TMEM196: variants seen among roughly 807,000 people sequenced by gnomAD.
TMEM196 encodes the protein transmembrane protein 196.
In TMEM196, 17 loss-of-function variants were observed where a neutral mutation model predicts 20.0. The observed-to-expected ratio is 0.85, with a 90% CI of 0.58 to 1.27. The LOEUF is 1.27. Among genes scored for constraint, TMEM196 ranks in the 50% most tolerant of loss-of-function variants. TMEM196 has a pLI of 0.00. For synonymous variants in TMEM196, 113 were observed against 88.9 expected, an observed-to-expected ratio of 1.27 and a Z score of -1.52; for missense variants, 267 against 223.0, an observed-to-expected ratio of 1.20 and a Z score of -1.26.
Position 19,724,307 on chromosome 7 carries a change from A to C in TMEM196, c.506T>G (p.Val169Gly), listed in dbSNP as rs1435083038. ...EITDLPSCPV[V>G]PPTPELPTRK is the part of the protein sequence containing the mutation. ...TGTAGGTAACTCTGGTGTCGGGGGC[A>C]CCACCGGGCAGCTGGGCAAGTCGGT... The change falls in exon 4 of 5, where the codon GTG becomes GGG. Residue 169 changes from valine to glycine, a missense_variant. By Grantham distance (109) the Val-to-Gly change is moderately radical (BLOSUM62 -3). Coordinates refer to ENST00000405844, the MANE Select transcript of TMEM196 (RefSeq NM_001363562.2). The C allele has an allele frequency of 1.3e-6, 2 of 1,550,300 alleles. No homozygotes were observed. The highest frequency in any genetic ancestry group is 2.0e-5 in the Admixed American group (1 of 50,972).
intron 3 of TMEM196, 39 bp from the exon 4 acceptor site, chr7:19,724,392 A>C: frequency 6.6e-7 from 1 of 1,526,554 alleles, no homozygotes; most frequent in Non-Finnish European, 8.9e-7. Context: ...AATATTGCAC[A>C]AATATATACA....
rs1784295428 is a variant in TMEM196 at position 19,733,763 on chromosome 7, G to A, written c.148-4325C>T. The stretch of plus-strand genomic sequence containing the variant: ...ACATTGACCATTGGAGAAGAGGCAG[G>A]AGCCTCTCGCCCAAGATCAACCCCA... On this transcript the variant is annotated intron_variant, in intron 1 of 4. Transcript: ENST00000405844. Among the ~76,000 whole-genome samples the A allele has an allele frequency of 4.6e-5, 7 of 152,064 alleles. No individual in the cohort carries two copies. In the South Asian group the frequency reaches 1.5e-3, roughly 32 times the overall value.
Position 19,725,746 on chromosome 7 carries a change from C to T in TMEM196, c.227G>A (p.Cys76Tyr). ...GATGCCCCCAATAAGTCCACAGATA[C>T]AGCAGGCTGAAAAGAGGATCATCTG... is the stretch of plus-strand genomic sequence containing the variant. ...GLVMILFSAC[C>Y]ICGLIGGILN... The change falls in exon 3 of 5, where the codon TGT becomes TAT. Residue 76 changes from cysteine to tyrosine, a missense_variant. Physicochemically the swap from Cys to Tyr is radical, Grantham distance 194. Transcript: ENST00000405844. 6.2e-7 allele frequency: 1 copy of T among 1,605,708 alleles called. No homozygotes were observed. The highest frequency in any genetic ancestry group is 1.3e-5 in the African/African-American group (1 of 74,810).
At chr7:19,733,836 T>C (rs1324396367) in intron 1 of TMEM196, among the ~76,000 whole-genome samples, 1 of 152,178 alleles carries the variant, frequency 6.6e-6, no homozygotes, top group Non-Finnish European at 1.5e-5. Context: ...TACAGAATAC[T>C]GAGAAAGCCC....
intron 1 of TMEM196, among the ~76,000 whole-genome samples, chr7:19,732,160 T>A (rs774213127): frequency 1.3e-5 from 2 of 152,206 alleles, no homozygotes; most frequent in Non-Finnish European, 2.9e-5. Flanking sequence ...TCCCTCGAAG[T>A]TTACACGTGG....
chr7:19,731,800 T>C (rs1490443028), intron 1 of TMEM196, among the ~76,000 whole-genome samples: 3 of 152,152 alleles, frequency 2.0e-5, no homozygotes, highest in Non-Finnish European at 4.4e-5. Flanking sequence ...AATTCAAGGA[T>C]TGGGAGAGGG....
rs1219891958 is a variant in TMEM196 at position 19,724,203 on chromosome 7, AC to A, written c.533+76del. On this transcript the variant is annotated intron_variant, in intron 4 of 4. Coordinates refer to ENST00000405844, the MANE Select transcript of TMEM196 (RefSeq NM_001363562.2). ...AACATCAGTTCAGACTGATCTGTTG[AC>A]ATCATGGCTTTCTGGAAGGGGAAGT... 4.7e-6 allele frequency: 6 copies of A among 1,272,030 alleles called. No homozygotes were observed. The African/African-American group carries it at 7.4e-5, about 16-fold the overall frequency. 78.8% of individuals were successfully genotyped at this position (1,272,030 alleles called of 1,614,324 possible). A position where few individuals can be genotyped will look rare whatever the true frequency, so the allele number is the denominator to read the frequency against.
At chr7:19,764,638 A>C (rs191763083) in intron 1 of TMEM196, among the ~76,000 whole-genome samples, 47 of 152,220 alleles carry the variant, frequency 3.1e-4, no homozygotes, top group African/African-American at 1.1e-3. Flanking sequence ...ACTCTGTTTA[A>C]ATTTGTTGTC....
rs1266006765 is a variant in TMEM196, at chr7:19,772,553, G to A, written c.144C>T (p.Ser48=). The change falls in exon 1 of 5, where the codon TCC becomes TCT. Residue 48 remains serine (S), a synonymous_variant. Coordinates refer to ENST00000405844, the MANE Select transcript of TMEM196 (RefSeq NM_001363562.2). Reference sequence around the variant, plus strand: ...GTACACACACCCCGCTCCATACCGGGGACGAGTCTCCGAGCTGCGGCTTGT... The same window carrying A: ...GTACACACACCCCGCTCCATACCGGAGACGAGTCTCCGAGCTGCGGCTTGT... The part of the protein sequence containing the change: ...REHKPQLGDS[S]PFLLCGICGI... 3 of 1,542,892 alleles carry A rather than the reference G, an allele frequency of 1.9e-6. No homozygotes were observed. Among genetic ancestry groups the A allele is most frequent in the Non-Finnish European group, 1.7e-6 (2 of 1,143,900 alleles).
chr7:19,745,823 A>G (rs2128026940), intron 1 of TMEM196, among the ~76,000 whole-genome samples: 1 of 151,140 alleles, frequency 6.6e-6, no homozygotes, highest in African/African-American at 2.4e-5. Context: ...ATCTGCTCCT[A>G]ATTGAAATTG....
intron 1 of TMEM196, among the ~76,000 whole-genome samples, chr7:19,750,028 A>G (rs1476881186): frequency 6.6e-6 from 1 of 152,168 alleles, no homozygotes; most frequent in African/African-American, 2.4e-5. Flanking sequence ...AAGCCTGAAG[A>G]TTTTATACCC....
intron 1 of TMEM196, among the ~76,000 whole-genome samples, chr7:19,730,084 G>A (rs1046060479): frequency 3.3e-5 from 5 of 151,854 alleles, no homozygotes; most frequent in Non-Finnish European, 5.9e-5. Flanking sequence ...GTGAAACCCC[G>A]TCTCTACTAA....
chr7:19,768,080 C>T (rs770818105), intron 1 of TMEM196, among the ~76,000 whole-genome samples: 71 of 151,800 alleles, frequency 4.7e-4, no homozygotes, highest in Non-Finnish European at 2.1e-4. Context: ...CTGTAAATTT[C>T]GCTGAAGCAA....
At chr7:19,724,231 C>A (rs1434862963) in intron 4 of TMEM196, 49 bp downstream of exon 4, 1 of 1,498,680 alleles carries the variant, frequency 6.7e-7, no homozygotes, top group African/African-American at 1.4e-5. Flanking sequence ...AGGGGAAGTG[C>A]TTTCTGCAGC....
rs1383886836 is a variant in TMEM196 at position 19,720,434 on chromosome 7, T to A, written c.*1694A>T. On this transcript the variant is annotated 3_prime_UTR_variant, in exon 5 of 5. Coordinates refer to ENST00000405844, the MANE Select transcript of TMEM196 (RefSeq NM_001363562.2). ...CTCATGTTTTGTTTATAAATTATAT[T>A]CTCATACTGAACAGTAAATATTTTA... is the stretch of plus-strand genomic sequence containing the variant. 6.6e-6 allele frequency: 1 copy of A among 151,982 alleles called. No individual in the cohort carries two copies. The highest frequency in any genetic ancestry group is 2.4e-5 in the African/African-American group (1 of 41,432). The allele number at this position is 151,982 out of a possible 1,614,324, so 9.4% of individuals were successfully genotyped here. A position where few individuals can be genotyped will look rare whatever the true frequency, so the allele number is the denominator to read the frequency against.
At chr7:19,770,863 C>A (rs938839553) in intron 1 of TMEM196, among the ~76,000 whole-genome samples, 12 of 151,782 alleles carry the variant, frequency 7.9e-5, no homozygotes, top group Admixed American at 3.3e-4. Flanking sequence ...GCTAACATAA[C>A]CATTTTTTAA....
intron 1 of TMEM196, among the ~76,000 whole-genome samples, chr7:19,738,994 C>G (rs1370496355): frequency 6.6e-6 from 1 of 152,122 alleles, no homozygotes; most frequent in Non-Finnish European, 1.5e-5. Context: ...CCACCTCAAT[C>G]AGGTGACCAA....
intron 1 of TMEM196, among the ~76,000 whole-genome samples, chr7:19,750,182 A>T (rs1259950631): frequency 6.6e-6 from 1 of 152,192 alleles, no homozygotes; most frequent in East Asian, 1.9e-4. Flanking sequence ...TCTCTTTAAG[A>T]GTCAGCAAAA....
chr7:19,768,000 T>A (rs894689069), intron 1 of TMEM196, among the ~76,000 whole-genome samples: 1 of 152,074 alleles, frequency 6.6e-6, no homozygotes, highest in Non-Finnish European at 1.5e-5. Context: ...TTCAACAAAA[T>A]CCTACAATTG....
Sources: allele counts gnomAD v4.1 joint callset (sites outside exome capture counted in the v4.1 genomes callset), GRCh38; gene constraint gnomAD v4.1.1; transcripts MANE v1.5; gene names NCBI Gene and HGNC (gene_info 2026-07-23, HGNC 2026-07-21).